Variants in RBFOX3 observed in about 807,000 individuals in gnomAD.
The protein encoded by RBFOX3 is RNA binding protein fox-1 homolog 3.
Under a neutral mutation model 48.7 loss-of-function variants are expected in RBFOX3, and 17 were observed. The ratio of observed to expected loss-of-function variants is 0.35; its 90% CI spans 0.24 to 0.52. The LOEUF (loss-of-function observed/expected upper bound fraction) is 0.52, where lower values mean the gene tolerates loss of function less well. Among genes scored for constraint, RBFOX3 ranks in the 20% least tolerant of loss-of-function variants. The pLI is 0.94. For missense variants in RBFOX3, 382 were observed against 497.5 expected (o/e 0.77, Z 2.21); for synonymous variants, 212 against 209.5 (o/e 1.01, Z -0.10).
intron 3 of RBFOX3, among the ~76,000 whole-genome samples, chr17:79,288,837 G>A (rs2072605971): frequency 6.6e-6 from 1 of 151,940 alleles, no homozygotes; most frequent in Non-Finnish European, 1.5e-5. Context: ...GAGTTCATCA[G>A]TGAGGTAATA....
intron 2 of RBFOX3, among the ~76,000 whole-genome samples, chr17:79,314,876 A>G (rs1444094637): frequency 7.0e-6 from 1 of 143,480 alleles, no homozygotes; most frequent in African/African-American, 2.6e-5. Flanking sequence ...GGTGTGCTGG[A>G]GGGGACTTGG....
In RBFOX3 at chr17:79,423,129, C is replaced by T. The variant is rs1357316804; in HGVS notation, c.-175+59325G>A. On this transcript the variant is annotated intron_variant, in intron 2 of 14. Transcript: ENST00000693108. This position sits in a 1 kb window ranked among gnomAD's most constrained non-coding sequence, Gnocchi z 4.9. The stretch of plus-strand genomic sequence containing the variant: ...CCTTCCAGACTCCAGACTCTTGGGT[C>T]CAGTGGCCAACTAGTCACCCCCACC... Among the ~76,000 whole-genome samples the T allele has an allele frequency of 3.3e-5, 5 of 152,174 alleles. No homozygotes were observed. The highest frequency in any genetic ancestry group is 7.2e-5 in the African/African-American group (3 of 41,438).
At chr17:79,240,061 T>C (rs529297473) in intron 3 of RBFOX3, among the ~76,000 whole-genome samples, 3 of 152,286 alleles carry the variant, frequency 2.0e-5, no homozygotes, top group Middle Eastern at 3.4e-3. Flanking sequence ...CCTTGTGGGC[T>C]TTTCCCTGCA....
chr17:79,635,252 T>G, the RBFOX3 span, among the ~76,000 whole-genome samples: 1 of 152,012 alleles, frequency 6.6e-6, no homozygotes, highest in Admixed American at 6.6e-5. Flanking sequence ...ATGGAAGGCT[T>G]CCTGGCATCA....
At chr17:79,550,085 C>A (rs573487901) in intron 1 of RBFOX3, among the ~76,000 whole-genome samples, 2 of 152,304 alleles carry the variant, frequency 1.3e-5, no homozygotes, top group African/African-American at 4.8e-5. Flanking sequence ...GAGGTCTACA[C>A]CGGGACAACT....
rs538217975 is a variant in RBFOX3 at position 79,223,973 on chromosome 17, A to G, written c.-34+11793T>C. ...TGTGTATATTAGGAGGGAGGGAGAGACAGCAGAAGGGAAGATGGCAAGCAC... is the reference window on the plus strand; with the variant it reads ...TGTGTATATTAGGAGGGAGGGAGAGGCAGCAGAAGGGAAGATGGCAAGCAC... On this transcript the variant is annotated intron_variant, in intron 4 of 14. Transcript: ENST00000693108. Among the ~76,000 whole-genome samples the G allele has an allele frequency of 3.3e-5, 5 of 152,296 alleles. No individual in the cohort carries two copies. The East Asian group carries it at 9.7e-4, about 29-fold the overall frequency.
chr17:79,494,236 A>G (rs370834404), intron 1 of RBFOX3, among the ~76,000 whole-genome samples: 2 of 152,326 alleles, frequency 1.3e-5, no homozygotes, highest in East Asian at 3.9e-4. Context: ...AGGTGGTGGG[A>G]ACCTGTCCCC....
intron 2 of RBFOX3, among the ~76,000 whole-genome samples, chr17:79,454,633 C>T (rs2074166206): frequency 6.6e-6 from 1 of 152,184 alleles, no homozygotes; most frequent in Non-Finnish European, 1.5e-5. Context: ...TGTGCATTAC[C>T]ACACAGGGAG....
chr17:79,652,584 G>GGAA, the RBFOX3 span, among the ~76,000 whole-genome samples: 1 of 1,078 alleles, frequency 9.3e-4, no homozygotes, highest in Non-Finnish European at 6.5e-3. Context: ...AAGGAGAGGA[G>GGAA]AGGAGAGGAG....
chr17:79,277,683 G>C (rs1408374788), intron 3 of RBFOX3, among the ~76,000 whole-genome samples: 2 of 152,200 alleles, frequency 1.3e-5, no homozygotes, highest in East Asian at 3.9e-4. Context: ...CTGGGTCAAG[G>C]GTCAAGTCAC....
rs2056438765 is a variant in RBFOX3, at chr17:79,199,828, T to C, written c.-34+35938A>G. 6.6e-6 allele frequency among the ~76,000 whole-genome samples: 1 copy of C among 152,086 alleles called. No individual in the cohort carries two copies. The highest frequency in any genetic ancestry group is 2.1e-4 in the South Asian group (1 of 4,816). ...GAGAGTGTCTATTCTACAGTACCGCTCTAAAGCTTCCCACATCTCAGTTTC... is the reference window on the plus strand; with the variant it reads ...GAGAGTGTCTATTCTACAGTACCGCCCTAAAGCTTCCCACATCTCAGTTTC... On this transcript the variant is annotated intron_variant, in intron 4 of 14. Transcript: ENST00000693108. The surrounding 1 kb of genome is among the most constrained non-coding windows in gnomAD (Gnocchi z 5.1).
chr17:79,483,076 C>T (rs2078997771), intron 1 of RBFOX3, among the ~76,000 whole-genome samples: 3 of 152,122 alleles, frequency 2.0e-5, no homozygotes, highest in Admixed American at 2.0e-4. Context: ...TGTCACTGTC[C>T]TGATCTGGTG....
Position 79,363,193 on chromosome 17 carries a change from C to T in RBFOX3, c.-174-55369G>A, listed in dbSNP as rs796859438. Among the ~76,000 whole-genome samples, 1 of 152,144 alleles carries T rather than the reference C, an allele frequency of 6.6e-6. No homozygotes were observed. The highest frequency in any genetic ancestry group is 2.4e-5 in the African/African-American group (1 of 41,438). The stretch of plus-strand genomic sequence containing the variant: ...CTGAGGTGGCTCCTGCACTCCTGAG[C>T]GTGGCCAGGGGTTCTGTAGTGCCAG... On this transcript the variant is annotated intron_variant, in intron 2 of 14. Coordinates refer to ENST00000693108, the MANE Select transcript of RBFOX3 (RefSeq NM_001350451.2). The surrounding 1 kb of genome is among the most constrained non-coding windows in gnomAD (Gnocchi z 4.7).
At chr17:79,403,316 G>T (rs1440005361) in intron 2 of RBFOX3, among the ~76,000 whole-genome samples, 1 of 152,166 alleles carries the variant, frequency 6.6e-6, no homozygotes, top group African/African-American at 2.4e-5. Context: ...TACCAGGTGG[G>T]GCCAGGTCCC....
chr17:79,340,862 G>A lies in RBFOX3; in HGVS notation c.-174-33038C>T, dbSNP rs1003108074. On this transcript the variant is annotated intron_variant, in intron 2 of 14. Transcript: ENST00000693108. The stretch of plus-strand genomic sequence containing the variant: ...AAAGGGTGTATTTATAAACAACTGT[G>A]GTACTTGAATCAGAAAAAATGCCCC... 5.9e-5 allele frequency among the ~76,000 whole-genome samples: 9 copies of A among 152,176 alleles called. 1 individual carries two copies. Among genetic ancestry groups the A allele is most frequent in the Admixed American group, 5.9e-4 (9 of 15,274 alleles).
chr17:79,301,805 A>AGTTAAAT (rs2145357098), intron 3 of RBFOX3, among the ~76,000 whole-genome samples: 1 of 152,332 alleles, frequency 6.6e-6, no homozygotes, highest in African/African-American at 2.4e-5. Context: ...ACAGGCCACA[A>AGTTAAAT]TGTGAATGAG....
At chr17:79,150,419 G>A (rs1290795280) in intron 4 of RBFOX3, among the ~76,000 whole-genome samples, 1 of 152,032 alleles carries the variant, frequency 6.6e-6, no homozygotes, top group East Asian at 1.9e-4. Flanking sequence ...AGCTCCATCC[G>A]CAACCCCCAT....
intron 6 of RBFOX3, among the ~76,000 whole-genome samples, chr17:79,104,867 G>A (rs2077075806): frequency 6.6e-6 from 1 of 151,634 alleles, no homozygotes; most frequent in African/African-American, 2.4e-5. Flanking sequence ...TTCCGCCCAG[G>A]CCCCCGGGAC....
At chr17:79,244,182 C>T (rs368208664) in intron 3 of RBFOX3, among the ~76,000 whole-genome samples, 1 of 152,144 alleles carries the variant, frequency 6.6e-6, no homozygotes, top group South Asian at 2.1e-4. Flanking sequence ...ACATCCAATG[C>T]CCGGGGTCCT....
Sources: gnomAD v4.1 joint callset for allele counts (sites outside exome capture counted in the v4.1 genomes callset) on GRCh38, gnomAD v4.1.1 for gene constraint, Gnocchi (gnomAD v3.1) non-coding constraint, MANE v1.5 for transcripts, NCBI Gene and HGNC (gene_info 2026-07-23, HGNC 2026-07-21) for gene names.